The following SH2D4A variants were observed in gnomAD, a reference collection of about 807,000 sequenced individuals.
SH2D4A encodes the protein SH2 domain-containing protein 4A.
A neutral mutation model predicts 64.7 loss-of-function variants in SH2D4A; 70 were observed. The observed-to-expected ratio is 1.08, with a 90% CI of 0.89 to 1.32. The LOEUF is 1.32. SH2D4A is among the 40% of genes most tolerant of loss of function. SH2D4A has a pLI of 0.00. For missense variants in SH2D4A, 706 were observed against 540.1 expected, an observed-to-expected ratio of 1.31 and a Z score of -3.04; for synonymous variants, 268 against 200.7, an observed-to-expected ratio of 1.34 and a Z score of -2.83.
intron 1 of SH2D4A, among the ~76,000 whole-genome samples, chr8:19,314,515 G>T (rs936947505): frequency 6.6e-6 from 1 of 152,102 alleles, no homozygotes; most frequent in African/African-American, 2.4e-5. Flanking sequence ...GCCCCTGCCC[G>T]CTCCTGGACT....
Position 19,366,489 on chromosome 8 carries a change from G to C in SH2D4A, c.917+2207G>C, listed in dbSNP as rs544769407. 2.1e-3 allele frequency among the ~76,000 whole-genome samples: 323 copies of C among 152,184 alleles called. 1 individual carries two copies. The highest frequency in any genetic ancestry group is 7.0e-3 in the African/African-American group (290 of 41,520). ...CTCTCCCCAGCCTCTGCTAACCACT[G>C]TTCCATACTTCTATAAGATCAACCT... On this transcript the variant is annotated intron_variant, in intron 7 of 9. Transcript: ENST00000265807.
chr8:19,322,103 C>T (rs944477367), intron 2 of SH2D4A, among the ~76,000 whole-genome samples: 3 of 152,146 alleles, frequency 2.0e-5, no homozygotes, highest in African/African-American at 7.2e-5. Flanking sequence ...TAAATTAGTT[C>T]CTCTTCTGAC....
Position 19,394,991 on chromosome 8 carries a change from C to T in SH2D4A, c.*349C>T, listed in dbSNP as rs569639750. The T allele has an allele frequency of 3.2e-5, 5 of 158,224 alleles. No individual in the cohort carries two copies. The highest frequency in any genetic ancestry group is 6.9e-5 in the Non-Finnish European group (5 of 72,316). The allele number at this position is 158,224 out of a possible 1,614,324, so 9.8% of individuals were successfully genotyped here. A position where few individuals can be genotyped will look rare whatever the true frequency, so the allele number is the denominator to read the frequency against. Reference sequence around the variant, plus strand: ...TGAAAACGAATATCTATCATATGACCCCTGCACTCCCTCTGTATCATCTCA... The same window carrying T: ...TGAAAACGAATATCTATCATATGACTCCTGCACTCCCTCTGTATCATCTCA... On this transcript the variant is annotated 3_prime_UTR_variant, in exon 10 of 10. Transcript: ENST00000265807.
intron 1 of SH2D4A, among the ~76,000 whole-genome samples, chr8:19,315,860 G>C (rs1036336540): frequency 3.2e-4 from 48 of 152,162 alleles, no homozygotes; most frequent in African/African-American, 1.1e-3. Flanking sequence ...GCTCCACCAG[G>C]CTCCTTCGCT....
At chr8:19,325,599 G>C (rs2052265267) in intron 2 of SH2D4A, among the ~76,000 whole-genome samples, 3 of 152,212 alleles carry the variant, frequency 2.0e-5, no homozygotes, top group African/African-American at 7.2e-5. Flanking sequence ...TGAGCCATGG[G>C]CTTCACTGAT....
intron 8 of SH2D4A, 89 bp downstream of exon 8, chr8:19,373,749 T>C: frequency 6.8e-7 from 1 of 1,469,828 alleles, no homozygotes; most frequent in South Asian, 1.4e-5. Context: ...AAAGCTTCCA[T>C]TTATTGGTGC....
chr8:19,340,601 C>CT (rs535915285), intron 4 of SH2D4A, among the ~76,000 whole-genome samples: 2,290 of 100,468 alleles, frequency 0.023, 77 homozygotes, highest in East Asian at 0.13. Flanking sequence ...TTCTTTCTTT[C>CT]TTTTTTTTTT....
At chr8:19,390,140 G>A (rs113651239) in intron 8 of SH2D4A, among the ~76,000 whole-genome samples, 2,450 of 152,238 alleles carry the variant, frequency 0.016, 73 homozygotes, top group African/African-American at 0.057. Context: ...CAGCACTTTG[G>A]GAGGCCGAGG....
intron 2 of SH2D4A, among the ~76,000 whole-genome samples, chr8:19,327,064 C>T (rs1157008593): frequency 6.6e-5 from 10 of 152,124 alleles, no homozygotes; most frequent in Admixed American, 6.5e-4. Flanking sequence ...AGAGGAGGCC[C>T]TAGGGGGAAA....
At chr8:19,351,618 A>C (rs889186792) in intron 4 of SH2D4A, among the ~76,000 whole-genome samples, 5 of 152,122 alleles carry the variant, frequency 3.3e-5, no homozygotes, top group African/African-American at 9.7e-5. Flanking sequence ...ACAAAACAAA[A>C]AAAAACAAAA....
chr8:19,334,977 T>C, intron 4 of SH2D4A, 120 bp downstream of exon 4: 2 of 1,209,906 alleles, frequency 1.7e-6, no homozygotes, highest in Non-Finnish European at 2.2e-6. Flanking sequence ...TTGGGAGAAA[T>C]GCCTCCTAAC....
chr8:19,313,822 T>C lies in SH2D4A; in HGVS notation c.-206T>C, dbSNP rs1158179763. On this transcript the variant is annotated splice_region_variant and 5_prime_UTR_variant, in exon 1 of 10. Transcript: ENST00000265807. ...CACCCTGCCCAGGGGCGCCCAGCAC[T>C]GGTAGGTGCTGGGGGTGGGGCGAGG... is the stretch of plus-strand genomic sequence containing the variant. The C allele has an allele frequency of 6.7e-7, 1 of 1,497,890 alleles. No individual in the cohort carries two copies. The highest frequency in any genetic ancestry group is 1.4e-5 in the African/African-American group (1 of 69,118). The allele number at this position is 1,497,890 out of a possible 1,614,324, so 92.8% of individuals were successfully genotyped here.
intron 6 of SH2D4A, among the ~76,000 whole-genome samples, chr8:19,361,755 T>C (rs1043596892): frequency 3.9e-5 from 6 of 152,226 alleles, no homozygotes; most frequent in Admixed American, 2.6e-4. Context: ...AAGGTGAGAT[T>C]CAAGATTATT....
intron 2 of SH2D4A, among the ~76,000 whole-genome samples, chr8:19,328,992 C>T (rs955260933): frequency 6.6e-6 from 1 of 152,200 alleles, no homozygotes; most frequent in Non-Finnish European, 1.5e-5. Flanking sequence ...CCACATGGCT[C>T]TCTGCTCCCC....
chr8:19,314,769 G>A (rs570115523), intron 1 of SH2D4A, among the ~76,000 whole-genome samples: 35 of 152,290 alleles, frequency 2.3e-4, no homozygotes, highest in African/African-American at 8.2e-4. Context: ...TGGCATATGA[G>A]TGGAATTCTC....
intron 9 of SH2D4A, 141 bp from the exon 10 acceptor site, chr8:19,394,408 GA>G: frequency 3.6e-6 from 2 of 553,214 alleles, no homozygotes; most frequent in Admixed American, 3.1e-5. Flanking sequence ...ATGTAGATAA[GA>G]AAAATGCCTT....
chr8:19,326,235 A>G (rs2052277315), intron 2 of SH2D4A, among the ~76,000 whole-genome samples: 1 of 152,180 alleles, frequency 6.6e-6, no homozygotes, highest in Non-Finnish European at 1.5e-5. Context: ...TAATCACCTG[A>G]GCTGATATTT....
chr8:19,324,604 G>A (rs948001987), intron 2 of SH2D4A, among the ~76,000 whole-genome samples: 10 of 152,034 alleles, frequency 6.6e-5, no homozygotes, highest in South Asian at 2.1e-4. Flanking sequence ...TGGAGTTGCC[G>A]CCCAGTCACG....
At chr8:19,369,699 TTTA>T (rs1210927738) in intron 7 of SH2D4A, among the ~76,000 whole-genome samples, 1 of 152,084 alleles carries the variant, frequency 6.6e-6, no homozygotes, top group Non-Finnish European at 1.5e-5. Context: ...CATCTCTGAT[TTTA>T]TTTATTTGAG....
Sources: gnomAD v4.1 joint callset for allele counts (sites outside exome capture counted in the v4.1 genomes callset) on GRCh38, gnomAD v4.1.1 for gene constraint, MANE v1.5 for transcripts, NCBI Gene and HGNC (gene_info 2026-07-23, HGNC 2026-07-21) for gene names.